Variants in PRPF38A observed in about 807,000 individuals in gnomAD.
PRPF38A encodes the protein pre-mRNA processing factor 38A, also known as pre-mRNA-splicing factor 38A.
PRPF38A carries 11 observed loss-of-function variants against 46.8 expected under a neutral mutation model. The ratio of observed to expected loss-of-function variants is 0.24; its 90% confidence interval spans 0.15 to 0.39. PRPF38A has a LOEUF of 0.39. Among genes scored for constraint, PRPF38A ranks in the 10% least tolerant of loss-of-function variants. The pLI is 1.00. For missense variants in PRPF38A, 261 were observed against 407.5 expected (o/e 0.64, Z 3.10); for synonymous variants, 124 against 136.2 (o/e 0.91, Z 0.62).
chr1:52,405,571 A>C (rs1647959645), intron 1 of PRPF38A, 109 bp from the exon 2 acceptor site: 1 of 955,946 alleles, frequency 1.0e-6, no homozygotes, highest in African/African-American at 1.6e-5. Context: ...TCGTTCTCCT[A>C]ATATTACACT....
chr1:52,410,343 C>T (rs1043861630), intron 3 of PRPF38A, among the ~76,000 whole-genome samples: 1 of 149,552 alleles, frequency 6.7e-6, no homozygotes, highest in African/African-American at 2.4e-5. Context: ...ACAATATTTC[C>T]TTATTAAAAA....
At position 52,412,265 on chromosome 1, in the gene PRPF38A, G is replaced by A. The variant is rs533921140; in HGVS notation, c.499-249G>A. Among the ~76,000 whole-genome samples the A allele has an allele frequency of 3.3e-5, 5 of 152,272 alleles. No individual in the cohort carries two copies. In the South Asian group the frequency reaches 1.0e-3, roughly 32 times the overall value. On this transcript the variant is annotated intron_variant, in intron 4 of 9. Coordinates refer to ENST00000257181, the MANE Select transcript of PRPF38A (RefSeq NM_032864.4). ...TACCTATACTGATTGATATTCCCAT[G>A]ACTTTAGAGTATAAGGTACAGGGAA...
In PRPF38A at chr1:52,419,738, A is replaced by G. The variant is rs1399349674; in HGVS notation, c.*3048A>G. 1.3e-5 allele frequency: 2 copies of G among 152,210 alleles called. No homozygotes were observed. The highest frequency in any genetic ancestry group is 4.8e-5 in the African/African-American group (2 of 41,432). 9.4% of individuals were successfully genotyped at this position (152,210 alleles called of 1,614,324 possible). On this transcript the variant is annotated 3_prime_UTR_variant, in exon 10 of 10. Transcript: ENST00000257181. ...AATGGAAAAGAGAAATATGTAGAAT[A>G]AAGAAATATTCTGATGGTTTAAAAA...
intron 3 of PRPF38A, among the ~76,000 whole-genome samples, chr1:52,410,724 AC>A (rs1309232994): frequency 6.6e-6 from 1 of 151,136 alleles, no homozygotes; most frequent in Admixed American, 6.6e-5. Context: ...CCTGTCTTGA[AC>A]TCCTAACCTC....
In PRPF38A at chr1:52,416,065, A is replaced by G. The variant is rs149866948; in HGVS notation, c.897-583A>G. Among the ~76,000 whole-genome samples, 1,199 of 151,706 alleles carry G rather than the reference A, an allele frequency of 7.9e-3. 4 individuals carry two copies. Among genetic ancestry groups the G allele is most frequent in the Non-Finnish European group, 0.013 (866 of 67,874 alleles). ...CACCATTTTAGCCAGGATGGTCTCA[A>G]TCTGACCTTGTGATCCGCCCACCTC... On this transcript the variant is annotated intron_variant, in intron 9 of 9. Coordinates refer to ENST00000257181, the MANE Select transcript of PRPF38A (RefSeq NM_032864.4).
chr1:52,405,810 T>C lies in PRPF38A; in HGVS notation c.261T>C (p.Ile87=). 3.1e-6 allele frequency: 5 copies of C among 1,614,102 alleles called. No homozygotes were observed. The highest frequency in any genetic ancestry group is 4.2e-6 in the Non-Finnish European group (5 of 1,179,980). The part of the protein sequence containing the change: ...MLQIQPEKDI[I]VEFIKNEDFK... Reference sequence around the variant, plus strand: ...AAATTCAACCCGAGAAGGATATCATTGTAGAGTTTATCAAAAATGAAGATT... The same window carrying C: ...AAATTCAACCCGAGAAGGATATCATCGTAGAGTTTATCAAAAATGAAGATT... The change falls in exon 2 of 10, where the codon ATT becomes ATC. Residue 87 remains isoleucine (I), a synonymous_variant. Coordinates refer to ENST00000257181, the MANE Select transcript of PRPF38A (RefSeq NM_032864.4).
Position 52,404,651 on chromosome 1 carries a change from AACT to A in PRPF38A, c.-98_-96del. ...GATGGTCGCCTAAGCTGTTTAGTGA[AACT>A]TCTTCCACCTTTCTCCATTCCTCTA... On this transcript the variant is annotated 5_prime_UTR_variant, in exon 1 of 10. Coordinates refer to ENST00000257181, the MANE Select transcript of PRPF38A (RefSeq NM_032864.4). 3 of 1,389,834 alleles carry A rather than the reference AACT, an allele frequency of 2.2e-6. No individual in the cohort carries two copies. The Admixed American group carries it at 6.6e-5, about 31-fold the overall frequency. 86.1% of individuals were successfully genotyped at this position (1,389,834 alleles called of 1,614,324 possible).
In PRPF38A at chr1:52,420,041, A is replaced by C. The variant is rs562770980; in HGVS notation, c.*3351A>C. ...GCAACAGAGTGAGACTCCGTCTCAA[A>C]AAGAAAAAAGAATTAAATGGGGTCA... On this transcript the variant is annotated 3_prime_UTR_variant, in exon 10 of 10. Transcript: ENST00000257181. The C allele has an allele frequency of 6.6e-6, 1 of 152,442 alleles. No individual in the cohort carries two copies. The highest frequency in any genetic ancestry group is 2.1e-4 in the South Asian group (1 of 4,832). The allele number at this position is 152,442 out of a possible 1,614,324, so 9.4% of individuals were successfully genotyped here. A position where few individuals can be genotyped will look rare whatever the true frequency, so the allele number is the denominator to read the frequency against.
At chr1:52,408,859 T>G in intron 3 of PRPF38A, 169 bp downstream of exon 3, 1 of 740,930 alleles carries the variant, frequency 1.3e-6, no homozygotes, top group Non-Finnish European at 2.1e-6. Flanking sequence ...TCAGTCTGAC[T>G]ACTAGCTTCG....
At chr1:52,405,566 CT>C in intron 1 of PRPF38A, 113 bp from the exon 2 acceptor site, 1 of 904,048 alleles carries the variant, frequency 1.1e-6, no homozygotes, top group East Asian at 2.4e-5. Context: ...CACATTCGTT[CT>C]CCTAATATTA....
chr1:52,415,186 C>T, intron 8 of PRPF38A, 152 bp from the exon 9 acceptor site: 1 of 694,630 alleles, frequency 1.4e-6, no homozygotes. Flanking sequence ...GCTCCCTCTT[C>T]CTCCACTAAT....
intron 2 of PRPF38A, among the ~76,000 whole-genome samples, chr1:52,407,761 A>C (rs915901848): frequency 2.6e-5 from 4 of 152,212 alleles, no homozygotes; most frequent in African/African-American, 9.6e-5. Flanking sequence ...TCTCTACTAA[A>C]AATACAAAAA....
At chr1:52,412,978 G>A (rs1386351039) in intron 5 of PRPF38A, among the ~76,000 whole-genome samples, 1 of 151,076 alleles carries the variant, frequency 6.6e-6, no homozygotes, top group Non-Finnish European at 1.5e-5. Flanking sequence ...CTCCAGCTTG[G>A]GCAAAAGTGA....
chr1:52,406,481 G>T (rs1370049610), intron 2 of PRPF38A, among the ~76,000 whole-genome samples: 1 of 152,178 alleles, frequency 6.6e-6, no homozygotes, highest in Non-Finnish European at 1.5e-5. Flanking sequence ...GTGGTTAAGA[G>T]GTGTAAGATC....
chr1:52,415,874 G>A lies in PRPF38A; in HGVS notation c.896+488G>A, dbSNP rs568603605. ...TTTTTTTTTTTTGAGACGGAGTCTC[G>A]CTCTGTCTCCCAGGCTGGAGTGCAG... On this transcript the variant is annotated intron_variant, in intron 9 of 9. Coordinates refer to ENST00000257181, the MANE Select transcript of PRPF38A (RefSeq NM_032864.4). 6.9e-5 allele frequency among the ~76,000 whole-genome samples: 7 copies of A among 101,836 alleles called. No individual in the cohort carries two copies. The East Asian group carries it at 1.3e-3, about 19-fold the overall frequency. The allele number at this position is 101,836 out of a possible 152,430, so 66.8% of individuals were successfully genotyped here. A position where few individuals can be genotyped will look rare whatever the true frequency, so the allele number is the denominator to read the frequency against.
intron 2 of PRPF38A, among the ~76,000 whole-genome samples, chr1:52,407,404 T>C (rs1324003407): frequency 6.6e-6 from 1 of 152,146 alleles, no homozygotes; most frequent in Non-Finnish European, 1.5e-5. Context: ...CTTAGCACTT[T>C]CAATGCATTT....
At chr1:52,409,551 A>T (rs1222930103) in intron 3 of PRPF38A, 2 of 152,238 alleles carry the variant, frequency 1.3e-5, no homozygotes, top group African/African-American at 4.8e-5. Flanking sequence ...CGGAGATTGT[A>T]GTGAGCCGAG....
chr1:52,410,699 G>A (rs552947768), intron 3 of PRPF38A, among the ~76,000 whole-genome samples: 7 of 152,016 alleles, frequency 4.6e-5, no homozygotes, highest in Admixed American at 3.3e-4. Flanking sequence ...ATGGGGTTTC[G>A]CCATGTTGGC....
In PRPF38A at chr1:52,404,643, T is replaced by C. The variant is rs1647914425; in HGVS notation, c.-107T>C. The C allele has an allele frequency of 7.7e-7, 1 of 1,299,692 alleles. No homozygotes were observed. The highest frequency in any genetic ancestry group is 2.3e-5 in the Admixed American group (1 of 43,996). The allele number at this position is 1,299,692 out of a possible 1,614,324, so 80.5% of individuals were successfully genotyped here. ...GGCTTCAAGATGGTCGCCTAAGCTGTTTAGTGAAACTTCTTCCACCTTTCT... is the reference window on the plus strand; with the variant it reads ...GGCTTCAAGATGGTCGCCTAAGCTGCTTAGTGAAACTTCTTCCACCTTTCT... On this transcript the variant is annotated 5_prime_UTR_variant, in exon 1 of 10. Transcript: ENST00000257181.
Sources: allele counts gnomAD v4.1 joint callset (sites outside exome capture counted in the v4.1 genomes callset), GRCh38; gene constraint gnomAD v4.1.1; transcripts MANE v1.5; gene names NCBI Gene and HGNC (gene_info 2026-07-23, HGNC 2026-07-21).